The following RSF1 variants were observed in gnomAD, a reference collection of about 807,000 sequenced individuals.
RSF1 encodes remodeling and spacing factor 1.
Under a neutral mutation model 145.2 loss-of-function variants are expected in RSF1, and 13 were observed. That is an observed-to-expected ratio of 0.09 (90% CI 0.06 to 0.14). The LOEUF is 0.14. Ranked by LOEUF, RSF1 falls within the 10% of genes least tolerant of loss-of-function variation. RSF1 has a pLI of 1.00. For missense variants in RSF1, 1,517 were observed against 1,718.2 expected, an observed-to-expected ratio of 0.88 and a Z score of 2.07; for synonymous variants, 577 against 592.6, an observed-to-expected ratio of 0.97 and a Z score of 0.38.
intron 1 of RSF1, among the ~76,000 whole-genome samples, chr11:77,777,742 CGA>C (rs1329133464): frequency 5.3e-5 from 8 of 151,962 alleles, no homozygotes; most frequent in African/African-American, 1.9e-4. Flanking sequence ...CCTAGCTACT[CGA>C]GAGACTCAGA....
intron 1 of RSF1, among the ~76,000 whole-genome samples, chr11:77,812,531 T>A (rs981935370): frequency 6.6e-6 from 1 of 152,188 alleles, no homozygotes; most frequent in Non-Finnish European, 1.5e-5. Context: ...CTTGTTCAAC[T>A]ACAGGAGGCT....
At chr11:77,861,424 C>T in the RSF1 span, among the ~76,000 whole-genome samples, 31 of 152,256 alleles carry the variant, frequency 2.0e-4, no homozygotes, top group South Asian at 6.2e-4. Context: ...GAGAAGGCCG[C>T]GCCAGTGTCC....
chr11:77,818,343 C>G (rs1470025104), intron 1 of RSF1, among the ~76,000 whole-genome samples: 2 of 152,130 alleles, frequency 1.3e-5, no homozygotes, highest in African/African-American at 4.8e-5. Context: ...TCAACTTGGT[C>G]CAAAGAAATT....
At chr11:77,704,905 C>G (rs1037644409) in intron 5 of RSF1, among the ~76,000 whole-genome samples, 1 of 152,142 alleles carries the variant, frequency 6.6e-6, no homozygotes, top group Non-Finnish European at 1.5e-5. Context: ...GCATGCACCA[C>G]TACGCCCGGC....
intron 5 of RSF1, among the ~76,000 whole-genome samples, chr11:77,708,528 C>T (rs987046716): frequency 5.3e-5 from 8 of 152,174 alleles, no homozygotes; most frequent in African/African-American, 1.9e-4. Context: ...CTAGCCCACT[C>T]AGAAAGAGTT....
At chr11:77,770,482 T>A (rs192711732) in intron 1 of RSF1, among the ~76,000 whole-genome samples, 4 of 152,036 alleles carry the variant, frequency 2.6e-5, no homozygotes, top group Admixed American at 6.5e-5. Flanking sequence ...AAAACAAAAG[T>A]ATAGCACAGA....
At chr11:77,724,705 T>C (rs1961012348) in intron 5 of RSF1, among the ~76,000 whole-genome samples, 1 of 152,078 alleles carries the variant, frequency 6.6e-6, no homozygotes. Context: ...AAGCAGTAGA[T>C]TCTCATGAGG....
intron 4 of RSF1, among the ~76,000 whole-genome samples, chr11:77,733,008 A>C (rs935762559): frequency 1.3e-5 from 2 of 152,220 alleles, no homozygotes; most frequent in African/African-American, 2.4e-5. Context: ...TTGTATGAGT[A>C]ATGTTAAGAA....
intron 9 of RSF1, among the ~76,000 whole-genome samples, chr11:77,690,247 TACA>T (rs1477381302): frequency 1.3e-5 from 2 of 152,050 alleles, no homozygotes; most frequent in African/African-American, 4.8e-5. Context: ...GGGCATCTCT[TACA>T]GTCAGTAGGA....
At chr11:77,677,844 A>T (rs1425891608) in intron 12 of RSF1, among the ~76,000 whole-genome samples, 1 of 152,234 alleles carries the variant, frequency 6.6e-6, no homozygotes, top group Non-Finnish European at 1.5e-5. Context: ...CCTATGAAGG[A>T]ACATCAATGT....
chr11:77,816,254 A>C (rs1346739313), intron 1 of RSF1, among the ~76,000 whole-genome samples: 3 of 152,244 alleles, frequency 2.0e-5, no homozygotes, highest in African/African-American at 7.2e-5. Context: ...AACCTCTAGT[A>C]CATGCACCTG....
At chr11:77,686,147 T>G (rs1959997545) in intron 9 of RSF1, among the ~76,000 whole-genome samples, 3 of 151,950 alleles carry the variant, frequency 2.0e-5, no homozygotes, top group African/African-American at 7.3e-5. Flanking sequence ...TGGCTGGGTG[T>G]GGTGGCTCAT....
intron 2 of RSF1, among the ~76,000 whole-genome samples, chr11:77,756,371 A>G (rs1053410778): frequency 2.6e-5 from 4 of 152,048 alleles, no homozygotes; most frequent in African/African-American, 9.7e-5. Context: ...AAAAAAAAAA[A>G]AAAAAGAAAA....
the RSF1 span, among the ~76,000 whole-genome samples, chr11:77,866,878 T>C: frequency 1.3e-5 from 2 of 152,152 alleles, no homozygotes; most frequent in African/African-American, 4.8e-5. Context: ...TTCGCTCTTG[T>C]TGCCCAGGCT....
At chr11:77,855,815 A>G in the RSF1 span, among the ~76,000 whole-genome samples, 1 of 140,266 alleles carries the variant, frequency 7.1e-6, no homozygotes, top group African/African-American at 2.7e-5. Context: ...AATTTCTTCC[A>G]CCAGCCAAGT....
At chr11:77,829,957 C>T in the RSF1 span, 4 of 152,228 alleles carry the variant, frequency 2.6e-5, no homozygotes, top group East Asian at 3.9e-4. Flanking sequence ...CATAGTGAGA[C>T]CCCATCTCTA....
chr11:77,722,583 G>T (rs762885842), intron 5 of RSF1, among the ~76,000 whole-genome samples: 5 of 152,142 alleles, frequency 3.3e-5, no homozygotes, highest in African/African-American at 7.2e-5. Context: ...GAAGGATCAG[G>T]CTTCAAATCT....
the RSF1 span, among the ~76,000 whole-genome samples, chr11:77,831,101 T>C: frequency 2.0e-5 from 3 of 151,512 alleles, no homozygotes; most frequent in Admixed American, 2.0e-4. Flanking sequence ...GCTGTAATCA[T>C]GTCACAGCAT....
At chr11:77,744,061 C>T (rs1184519801) in intron 3 of RSF1, among the ~76,000 whole-genome samples, 5 of 152,134 alleles carry the variant, frequency 3.3e-5, no homozygotes, top group Non-Finnish European at 7.4e-5. Flanking sequence ...CAGAGTCTTG[C>T]TCTGTCACCC....
Sources: gnomAD v4.1 joint callset for allele counts (sites outside exome capture counted in the v4.1 genomes callset) on GRCh38, gnomAD v4.1.1 for gene constraint, MANE v1.5 for transcripts, NCBI Gene and HGNC (gene_info 2026-07-23, HGNC 2026-07-21) for gene names.